VPS8: variants seen among roughly 807,000 people sequenced by gnomAD.
The protein encoded by VPS8 is VPS8 subunit of CORVET complex, also known as vacuolar protein sorting-associated protein 8 homolog.
Under a neutral mutation model 216.4 loss-of-function variants are expected in VPS8, and 129 were observed. That is an observed-to-expected ratio of 0.60 (90% confidence interval 0.52 to 0.69). The LOEUF is 0.69. Among genes scored for constraint, VPS8 ranks in the 30% least tolerant of loss-of-function variants. The pLI, the probability that VPS8 is intolerant of heterozygous loss-of-function variation, is 0.00. For missense variants in VPS8, 1,531 were observed against 1,683.5 expected, an observed-to-expected ratio of 0.91 and a Z score of 1.59; for synonymous variants, 571 against 565.4, an observed-to-expected ratio of 1.01 and a Z score of -0.14.
intron 46 of VPS8, among the ~76,000 whole-genome samples, chr3:185,041,683 G>A (rs1471480257): frequency 1.3e-5 from 2 of 152,188 alleles, no homozygotes; most frequent in East Asian, 1.9e-4. Context: ...TCAGTAGGCC[G>A]TTCTTAATTG....
At chr3:184,854,252 A>G in intron 13 of VPS8, 79 bp downstream of exon 13, 4 of 1,456,474 alleles carry the variant, frequency 2.7e-6, no homozygotes, top group Non-Finnish European at 3.8e-6. Flanking sequence ...CAAGGGGTGA[A>G]TTCTATGAGA....
chr3:185,033,976 T>C lies in VPS8; in HGVS notation c.4056+9587T>C, dbSNP rs955357645. 4.6e-5 allele frequency among the ~76,000 whole-genome samples: 7 copies of C among 152,358 alleles called. 1 individual carries two copies. Among genetic ancestry groups the C allele is most frequent in the African/African-American group, 1.7e-4 (7 of 41,574 alleles). On this transcript the variant is annotated intron_variant, in intron 46 of 47. Coordinates refer to ENST00000625842, the MANE Select transcript of VPS8 (RefSeq NM_001009921.3). The stretch of plus-strand genomic sequence containing the variant: ...ACAGGGTGTTTATGTGCAGATTTGT[T>C]ACATGGGAATATTGAGTGATGCTGA...
At chr3:184,857,179 CAA>C (rs1666803820) in intron 14 of VPS8, among the ~76,000 whole-genome samples, 1 of 152,130 alleles carries the variant, frequency 6.6e-6, no homozygotes, top group South Asian at 2.1e-4. Flanking sequence ...GAATTAATGA[CAA>C]AGAGAAACTT....
At chr3:184,963,234 AT>A (rs1242311403) in intron 37 of VPS8, among the ~76,000 whole-genome samples, 4 of 152,080 alleles carry the variant, frequency 2.6e-5, no homozygotes, top group African/African-American at 9.7e-5. Flanking sequence ...ACTCTCTGGA[AT>A]TTTGATTTAT....
intron 17 of VPS8, among the ~76,000 whole-genome samples, chr3:184,867,465 G>C (rs1014638858): frequency 1.3e-5 from 2 of 152,170 alleles, no homozygotes; most frequent in African/African-American, 4.8e-5. Flanking sequence ...AGTCAGTAGA[G>C]GGAAATGAGC....
intron 8 of VPS8, among the ~76,000 whole-genome samples, chr3:184,846,654 T>C (rs1408457569): frequency 6.6e-6 from 1 of 152,254 alleles, no homozygotes; most frequent in Non-Finnish European, 1.5e-5. Flanking sequence ...TGCTTAGACA[T>C]CGCTCTGTGC....
chr3:184,877,928 A>G (rs1423589897), intron 21 of VPS8, among the ~76,000 whole-genome samples: 1 of 152,204 alleles, frequency 6.6e-6, no homozygotes, highest in East Asian at 1.9e-4. Flanking sequence ...GTGTTTTCAA[A>G]CTAAGAAACC....
chr3:184,906,060 T>C (rs1226974005), intron 25 of VPS8, among the ~76,000 whole-genome samples: 6 of 152,156 alleles, frequency 3.9e-5, no homozygotes, highest in Non-Finnish European at 8.8e-5. Context: ...TTGAGGTCTT[T>C]GTTTTTGTGT....
chr3:184,885,794 CTTT>C (rs201959642), intron 21 of VPS8, among the ~76,000 whole-genome samples: 1 of 151,398 alleles, frequency 6.6e-6, no homozygotes, highest in Non-Finnish European at 1.5e-5. Context: ...ATTCATATTT[CTTT>C]TTTTTTCTTT....
chr3:184,975,244 A>T (rs1420619365), intron 40 of VPS8, among the ~76,000 whole-genome samples: 2 of 152,024 alleles, frequency 1.3e-5, no homozygotes, highest in Non-Finnish European at 2.9e-5. Context: ...GTAGTTTTCC[A>T]TATAAAGGTC....
chr3:185,020,054 C>T (rs143294877), intron 45 of VPS8, among the ~76,000 whole-genome samples: 55 of 152,292 alleles, frequency 3.6e-4, no homozygotes, highest in East Asian at 2.3e-3. Context: ...AATGGTTACA[C>T]GCTTTTAAGC....
chr3:184,847,091 C>G (rs2108633984), intron 8 of VPS8, among the ~76,000 whole-genome samples: 1 of 152,274 alleles, frequency 6.6e-6, no homozygotes, highest in East Asian at 1.9e-4. Flanking sequence ...AAGACAGTAA[C>G]TTTTAAAATA....
chr3:184,928,531 G>A lies in VPS8; in HGVS notation c.2712G>A (p.Glu904=). ...SRLIRMAEKA[E]FYQICEFMYE... is the part of the protein sequence containing the mutation. ...TCATCCGGATGGCAGAAAAAGCTGAGTTGTAAGTTGTTTTGAGGCTGTATA... is the reference window on the plus strand; with the variant it reads ...TCATCCGGATGGCAGAAAAAGCTGAATTGTAAGTTGTTTTGAGGCTGTATA... Residue 904 remains glutamate, a splice_region_variant and synonymous_variant, in exon 32 of 48, where the codon GAG becomes GAA. Transcript: ENST00000625842. 1 of 1,507,094 alleles carries A rather than the reference G, an allele frequency of 6.6e-7. No homozygotes were observed. Among genetic ancestry groups the A allele is most frequent in the South Asian group, 1.4e-5 (1 of 70,114 alleles). The allele number at this position is 1,507,094 out of a possible 1,614,324, so 93.4% of individuals were successfully genotyped here. A position where few individuals can be genotyped will look rare whatever the true frequency, so the allele number is the denominator to read the frequency against.
intron 36 of VPS8, among the ~76,000 whole-genome samples, chr3:184,944,041 G>GCACACACACA (rs57639626): frequency 2.0e-5 from 3 of 149,852 alleles, no homozygotes; most frequent in African/African-American, 7.5e-5. Context: ...GGCAGAGGTT[G>GCACACACACA]CACACACACA....
chr3:184,870,077 A>G (rs1449172717), intron 20 of VPS8, among the ~76,000 whole-genome samples: 3 of 152,234 alleles, frequency 2.0e-5, no homozygotes, highest in African/African-American at 7.2e-5. Context: ...GTAATAGCCC[A>G]CAGAAAATTG....
At chr3:184,976,230 A>G (rs571426991) in intron 40 of VPS8, among the ~76,000 whole-genome samples, 2 of 152,278 alleles carry the variant, frequency 1.3e-5, no homozygotes, top group East Asian at 3.9e-4. Flanking sequence ...TGTTTTACCT[A>G]ATGAAGGTTT....
chr3:185,034,056 C>T (rs1758538151), intron 46 of VPS8, among the ~76,000 whole-genome samples: 1 of 152,134 alleles, frequency 6.6e-6, no homozygotes, highest in Admixed American at 6.5e-5. Flanking sequence ...CCCCCACCCT[C>T]TAGTATTCCA....
chr3:184,825,363 G>C (rs553988270), intron 2 of VPS8, among the ~76,000 whole-genome samples: 2 of 151,966 alleles, frequency 1.3e-5, no homozygotes, highest in East Asian at 1.9e-4. Context: ...TCCTTATCTT[G>C]CACAGCATTT....
At chr3:184,862,117 C>T (rs1386537261) in intron 15 of VPS8, among the ~76,000 whole-genome samples, 1 of 152,068 alleles carries the variant, frequency 6.6e-6, no homozygotes, top group Admixed American at 6.6e-5. Context: ...ATAGAACATA[C>T]AAATACACCA....
Sources: gnomAD v4.1 joint callset for allele counts (sites outside exome capture counted in the v4.1 genomes callset) on GRCh38, gnomAD v4.1.1 for gene constraint, MANE v1.5 for transcripts, NCBI Gene and HGNC (gene_info 2026-07-23, HGNC 2026-07-21) for gene names.